Variants in GALNT11 observed in about 807,000 individuals in gnomAD.
The protein encoded by GALNT11 is UDP-GalNAc:polypeptide N-acetylgalactosaminyltransferase 11.
Under a neutral mutation model 72.7 loss-of-function variants are expected in GALNT11, and 47 were observed. That is an observed-to-expected ratio of 0.65 (90% CI 0.51 to 0.82). GALNT11 has a LOEUF of 0.82. Among genes scored for constraint, GALNT11 ranks in the 40% least tolerant of loss-of-function variants. GALNT11 has a pLI of 0.00. For synonymous variants in GALNT11, 270 were observed against 286.6 expected (o/e 0.94, Z 0.58); for missense variants, 677 against 778.4 (o/e 0.87, Z 1.55).
intron 1 of GALNT11, among the ~76,000 whole-genome samples, chr7:152,069,117 A>G (rs2084481982): frequency 6.6e-6 from 1 of 152,176 alleles, no homozygotes; most frequent in Admixed American, 6.5e-5. Flanking sequence ...TTTGTATCCC[A>G]CAAATGTTGA....
At chr7:152,080,281 A>G (rs1018353792) in intron 1 of GALNT11, among the ~76,000 whole-genome samples, 4 of 152,202 alleles carry the variant, frequency 2.6e-5, no homozygotes, top group Non-Finnish European at 5.9e-5. Context: ...TTGTGAGGTT[A>G]AAATAATATG....
At chr7:152,055,711 A>G (rs1213049166) in intron 1 of GALNT11, among the ~76,000 whole-genome samples, 1 of 152,116 alleles carries the variant, frequency 6.6e-6, no homozygotes, top group Non-Finnish European at 1.5e-5. Context: ...TAAACTCAAT[A>G]TTGAATCTTA....
chr7:152,113,712 C>CTTTTTTTTTTTT lies in GALNT11; in HGVS notation c.1233+345_1233+356dup, dbSNP rs6150397. Among the ~76,000 whole-genome samples, 52 of 97,014 alleles carry CTTTTTTTTTTTT rather than the reference C, an allele frequency of 5.4e-4. 7 individuals are homozygous for CTTTTTTTTTTTT. Among genetic ancestry groups the CTTTTTTTTTTTT allele is most frequent in the Middle Eastern group, 6.0e-3 (1 of 166 alleles). The allele number at this position is 97,014 out of a possible 152,430, so 63.6% of individuals were successfully genotyped here. On this transcript the variant is annotated intron_variant, in intron 8 of 11. Transcript: ENST00000430044. ...TGTGACGCCTGCAAAAGTTGGCTTT[C>CTTTTTTTTTTTT]TTTTTTTTTTTTTTTTTTTTTTTTT...
At chr7:152,026,953 A>G (rs2082045978) in intron 1 of GALNT11, among the ~76,000 whole-genome samples, 1 of 152,226 alleles carries the variant, frequency 6.6e-6, no homozygotes, top group Non-Finnish European at 1.5e-5. Context: ...AAATCTCTTT[A>G]AAAATTTTTT....
intron 1 of GALNT11, among the ~76,000 whole-genome samples, chr7:152,081,018 C>A (rs1563060805): frequency 6.6e-6 from 1 of 151,984 alleles, no homozygotes; most frequent in African/African-American, 2.4e-5. Flanking sequence ...TTGCCAGCAC[C>A]CTGAATGGAG....
intron 1 of GALNT11, among the ~76,000 whole-genome samples, chr7:152,047,750 TAA>T: frequency 6.6e-6 from 1 of 151,884 alleles, no homozygotes; most frequent in African/African-American, 2.4e-5. Context: ...TATAAATAAG[TAA>T]ATAAATATAT....
intron 1 of GALNT11, among the ~76,000 whole-genome samples, chr7:152,072,584 G>A (rs1000845058): frequency 3.9e-5 from 6 of 152,168 alleles, no homozygotes; most frequent in Admixed American, 2.6e-4. Context: ...CAAATTATTC[G>A]TGCTGAATGT....
chr7:152,028,491 T>A (rs922516071), intron 1 of GALNT11, among the ~76,000 whole-genome samples: 18 of 152,084 alleles, frequency 1.2e-4, no homozygotes, highest in Admixed American at 4.6e-4. Flanking sequence ...GCATTTACAA[T>A]CCTTTAGCTA....
intron 1 of GALNT11, among the ~76,000 whole-genome samples, chr7:152,083,851 A>G (rs1449892450): frequency 6.6e-6 from 1 of 152,198 alleles, no homozygotes; most frequent in Non-Finnish European, 1.5e-5. Context: ...CCATTAGTTC[A>G]GGTCTTCCTT....
intron 1 of GALNT11, among the ~76,000 whole-genome samples, chr7:152,091,061 T>TTG (rs2085995295): frequency 1.3e-5 from 2 of 151,670 alleles, no homozygotes; most frequent in Non-Finnish European, 2.9e-5. Flanking sequence ...TGTTGTTGTT[T>TTG]TTTTCATGTG....
chr7:152,113,793 G>C (rs1337445937), intron 8 of GALNT11, among the ~76,000 whole-genome samples: 1 of 134,832 alleles, frequency 7.4e-6, no homozygotes, highest in African/African-American at 2.8e-5. Context: ...CAGGAGTGCA[G>C]TGGTGTGATC....
intron 1 of GALNT11, among the ~76,000 whole-genome samples, chr7:152,054,503 CTTTTTTTTTT>C (rs1037895401): frequency 1.4e-5 from 1 of 72,108 alleles, no homozygotes; most frequent in African/African-American, 5.1e-5. Context: ...TTTTTCTTGT[CTTTTTTTTTT>C]TTTTTTTTTT....
chr7:152,072,740 G>A lies in GALNT11; in HGVS notation c.-38-21450G>A, dbSNP rs534966076. Reference sequence around the variant, plus strand: ...AAGTTTTGAACTGTTAGCCAATCGGGTTTTAGTTTAGATTGTGAGGTCTGG... The same window carrying A: ...AAGTTTTGAACTGTTAGCCAATCGGATTTTAGTTTAGATTGTGAGGTCTGG... On this transcript the variant is annotated intron_variant, in intron 1 of 11. Coordinates refer to ENST00000430044, the MANE Select transcript of GALNT11 (RefSeq NM_022087.4). 2.3e-4 allele frequency among the ~76,000 whole-genome samples: 35 copies of A among 152,328 alleles called. No individual in the cohort carries two copies. The South Asian group carries it at 7.0e-3, about 31-fold the overall frequency.
chr7:152,102,422 A>G (rs1365174266), intron 3 of GALNT11, among the ~76,000 whole-genome samples: 1 of 151,908 alleles, frequency 6.6e-6, no homozygotes, highest in Non-Finnish European at 1.5e-5. Context: ...CAGGCCTGTA[A>G]TCCCAGCTAC....
intron 10 of GALNT11, chr7:152,119,365 C>G (rs2089205071): frequency 6.6e-6 from 1 of 151,850 alleles, no homozygotes; most frequent in African/African-American, 2.4e-5. Flanking sequence ...GATAAAATAG[C>G]ATAATGGAAC....
intron 1 of GALNT11, among the ~76,000 whole-genome samples, chr7:152,027,399 A>G (rs1265902686): frequency 6.6e-6 from 1 of 152,188 alleles, no homozygotes; most frequent in African/African-American, 2.4e-5. Flanking sequence ...TAGTGCTACA[A>G]ACAACCTGCA....
rs532440304 is a variant in GALNT11, at chr7:152,103,392, G to A, written c.586+114G>A. The A allele has an allele frequency of 1.4e-4, 148 of 1,028,508 alleles. 1 individual carries two copies. In the South Asian group the frequency reaches 2.3e-3, roughly 16 times the overall value. 63.7% of individuals were successfully genotyped at this position (1,028,508 alleles called of 1,614,324 possible). A position where few individuals can be genotyped will look rare whatever the true frequency, so the allele number is the denominator to read the frequency against. ...CGTGGTAGGTGGGGATCCTACACGTGCAGTCACAGCTGGGCTGACCACAAA... is the reference window on the plus strand; with the variant it reads ...CGTGGTAGGTGGGGATCCTACACGTACAGTCACAGCTGGGCTGACCACAAA... On this transcript the variant is annotated intron_variant, in intron 4 of 11. Coordinates refer to ENST00000430044, the MANE Select transcript of GALNT11 (RefSeq NM_022087.4).
intron 1 of GALNT11, among the ~76,000 whole-genome samples, chr7:152,088,764 C>T (rs1322668238): frequency 6.6e-6 from 1 of 152,158 alleles, no homozygotes; most frequent in Admixed American, 6.5e-5. Flanking sequence ...TTCAAAGGTA[C>T]TACAGGGCAT....
intron 1 of GALNT11, among the ~76,000 whole-genome samples, chr7:152,047,687 C>CGTGTGTGTGTGTGTGT (rs141152865): frequency 1.3e-3 from 185 of 147,128 alleles, no homozygotes; most frequent in African/African-American, 4.3e-3. Context: ...ACAGTGACAC[C>CGTGTGTGTGTGTGTGT]GTGTGTGTGT....
Sources: allele counts gnomAD v4.1 joint callset (sites outside exome capture counted in the v4.1 genomes callset), GRCh38; gene constraint gnomAD v4.1.1; transcripts MANE v1.5; gene names NCBI Gene and HGNC (gene_info 2026-07-23, HGNC 2026-07-21).